CPEB3: variants seen among roughly 807,000 people sequenced by gnomAD.
CPEB3 encodes cytoplasmic polyadenylation element-binding protein 3.
A neutral mutation model predicts 67.2 loss-of-function variants in CPEB3; 20 were observed. The observed-to-expected ratio is 0.30, with a 90% CI of 0.21 to 0.43. The LOEUF is 0.43. Among genes scored for constraint, CPEB3 ranks in the 20% least tolerant of loss-of-function variants. The probability of loss-of-function intolerance (pLI) is 1.00; values close to 1 mark genes in which losing one functional copy is unlikely to be tolerated. For missense variants in CPEB3, 746 were observed against 968.6 expected (o/e 0.77, Z 3.05); for synonymous variants, 376 against 393.1 (o/e 0.96, Z 0.51).
intron 2 of CPEB3, among the ~76,000 whole-genome samples, chr10:92,215,884 G>A (rs993055762): frequency 6.6e-6 from 1 of 150,742 alleles, no homozygotes; most frequent in Non-Finnish European, 1.5e-5. Flanking sequence ...GAGTAGGCTG[G>A]AACTACAGGT....
At chr10:92,103,355 C>T (rs574881798) in intron 7 of CPEB3, among the ~76,000 whole-genome samples, 89 of 152,236 alleles carry the variant, frequency 5.8e-4, no homozygotes, top group Non-Finnish European at 1.1e-3. Flanking sequence ...TATTGCACTA[C>T]TGTGCTAGGC....
intron 2 of CPEB3, among the ~76,000 whole-genome samples, chr10:92,197,935 C>G (rs551976743): frequency 2.0e-5 from 3 of 151,950 alleles, no homozygotes; most frequent in Non-Finnish European, 4.4e-5. Flanking sequence ...AGTGAAACAC[C>G]ATCTCTACTA....
Position 92,072,393 on chromosome 10 carries a change from C to T in CPEB3, c.1869+8927G>A, listed in dbSNP as rs144000561. On this transcript the variant is annotated intron_variant, in intron 9 of 9. Coordinates refer to ENST00000265997, the MANE Select transcript of CPEB3 (RefSeq NM_014912.5). ...AAAGAGCCAACAATTAGCCTTTGGA[C>T]GTATGATTAGGCCATAGCACAATTT... 3.5e-3 allele frequency among the ~76,000 whole-genome samples: 528 copies of T among 152,244 alleles called. 6 individuals are homozygous for T. The highest frequency in any genetic ancestry group is 0.012 in the African/African-American group (500 of 41,560).
intron 9 of CPEB3, among the ~76,000 whole-genome samples, chr10:92,069,186 T>C (rs1236473537): frequency 6.6e-6 from 1 of 152,234 alleles, no homozygotes; most frequent in Non-Finnish European, 1.5e-5. Flanking sequence ...AATGGAAATA[T>C]GGGTCATATT....
chr10:92,076,157 A>G (rs925053311), intron 9 of CPEB3: 4 of 152,358 alleles, frequency 2.6e-5, no homozygotes, highest in Admixed American at 2.6e-4. Flanking sequence ...CACTGCATCT[A>G]TATTTATAAT....
chr10:92,231,139 C>T (rs1851247519), intron 2 of CPEB3, among the ~76,000 whole-genome samples: 1 of 152,168 alleles, frequency 6.6e-6, no homozygotes, highest in Non-Finnish European at 1.5e-5. Context: ...AGTCACACAT[C>T]TCCACCATTA....
intron 9 of CPEB3, among the ~76,000 whole-genome samples, chr10:92,067,550 G>A (rs993097234): frequency 1.3e-5 from 2 of 151,746 alleles, no homozygotes; most frequent in Admixed American, 6.6e-5. Context: ...TGGGCGCAGT[G>A]GCGCATGCCT....
At chr10:92,230,047 A>C (rs1396353577) in intron 2 of CPEB3, among the ~76,000 whole-genome samples, 1 of 147,156 alleles carries the variant, frequency 6.8e-6, no homozygotes, top group Non-Finnish European at 1.5e-5. Context: ...ACTCCGTCTA[A>C]AAAAAAAAAA....
chr10:92,244,680 G>T (rs1217678864), intron 1 of CPEB3, among the ~76,000 whole-genome samples: 1 of 151,790 alleles, frequency 6.6e-6, no homozygotes, highest in East Asian at 1.9e-4. Flanking sequence ...CTCGTGATCC[G>T]CCCGCCTCTG....
At chr10:92,077,040 A>C (rs868817892) in intron 9 of CPEB3, among the ~76,000 whole-genome samples, 2 of 152,004 alleles carry the variant, frequency 1.3e-5, no homozygotes, top group Non-Finnish European at 2.9e-5. Context: ...GAGATATGAG[A>C]CTACTACTAA....
chr10:92,149,967 C>G (rs1295092895), intron 4 of CPEB3, among the ~76,000 whole-genome samples: 1 of 152,174 alleles, frequency 6.6e-6, no homozygotes, highest in African/African-American at 2.4e-5. Flanking sequence ...TATCCAAGTT[C>G]AATCAAGTTA....
intron 8 of CPEB3, among the ~76,000 whole-genome samples, chr10:92,091,006 G>A (rs1288548912): frequency 2.0e-5 from 3 of 152,166 alleles, no homozygotes; most frequent in Non-Finnish European, 4.4e-5. Flanking sequence ...GGATTTGGAT[G>A]AGTATGTTAC....
intron 4 of CPEB3, among the ~76,000 whole-genome samples, chr10:92,168,616 G>A (rs1365735938): frequency 6.6e-6 from 1 of 152,030 alleles, no homozygotes; most frequent in Non-Finnish European, 1.5e-5. Context: ...TGATAGTGAA[G>A]TGAGTTCTCA....
At chr10:92,076,338 T>C (rs1842932431) in intron 9 of CPEB3, 1 of 152,220 alleles carries the variant, frequency 6.6e-6, no homozygotes, top group African/African-American at 2.4e-5. Flanking sequence ...CACTCAATAG[T>C]ACTGTATTTT....
chr10:92,269,600 C>G (rs572933698), intron 1 of CPEB3, among the ~76,000 whole-genome samples: 1 of 152,242 alleles, frequency 6.6e-6, no homozygotes, highest in East Asian at 1.9e-4. Flanking sequence ...TTCTGTCACC[C>G]AGGCTGGAGT....
intron 6 of CPEB3, among the ~76,000 whole-genome samples, chr10:92,115,432 G>A (rs528769911): frequency 2.1e-4 from 32 of 152,334 alleles, no homozygotes; most frequent in Middle Eastern, 3.4e-3. Context: ...GATTACAGGC[G>A]TAAGCCACTG....
chr10:92,257,245 A>T (rs1304101967), intron 1 of CPEB3, among the ~76,000 whole-genome samples: 1 of 152,270 alleles, frequency 6.6e-6, no homozygotes, highest in Admixed American at 6.5e-5. Flanking sequence ...TCTAAAGAAG[A>T]AATTGCTCAA....
chr10:92,273,443 G>A (rs1186125592), intron 1 of CPEB3, among the ~76,000 whole-genome samples: 1 of 151,994 alleles, frequency 6.6e-6, no homozygotes, highest in African/African-American at 2.4e-5. Flanking sequence ...TAAGATTTTA[G>A]CTATCATAAG....
chr10:92,073,954 C>T (rs925489747), intron 9 of CPEB3, among the ~76,000 whole-genome samples: 1 of 152,270 alleles, frequency 6.6e-6, no homozygotes. Flanking sequence ...ATATTCTGAA[C>T]AGCGAAATCT....
Sources: allele counts gnomAD v4.1 joint callset (sites outside exome capture counted in the v4.1 genomes callset), GRCh38; gene constraint gnomAD v4.1.1; transcripts MANE v1.5; gene names NCBI Gene and HGNC (gene_info 2026-07-23, HGNC 2026-07-21).